FTCD: variants seen among roughly 807,000 people sequenced by gnomAD.
FTCD encodes the protein formimidoyltransferase cyclodeaminase.
In FTCD, 76 loss-of-function variants were observed where a neutral mutation model predicts 62.9. The observed-to-expected ratio is 1.21, with a 90% CI of 1.00 to 1.46. FTCD has a LOEUF of 1.46. FTCD is among the 40% of genes most tolerant of loss of function. The probability of loss-of-function intolerance (pLI) is 0.00; values close to 1 mark genes in which losing one functional copy is unlikely to be tolerated. For missense variants in FTCD, 845 were observed against 751.3 expected, an observed-to-expected ratio of 1.12 and a Z score of -1.46; for synonymous variants, 397 against 336.9, an observed-to-expected ratio of 1.18 and a Z score of -1.95.
chr21:46,147,323 A>G (rs1441751616), intron 7 of FTCD, among the ~76,000 whole-genome samples: 2 of 151,330 alleles, frequency 1.3e-5, no homozygotes, highest in African/African-American at 4.9e-5. Context: ...ATTCCTAATC[A>G]CAAGCCACCC....
chr21:46,146,315 G>T lies in FTCD; in HGVS notation c.919C>A (p.Leu307Met). The change falls in exon 8 of 14, where the codon CTG (leucine) becomes ATG (methionine). Residue 307 changes from leucine (L) to methionine (M), a missense_variant. Transcript: ENST00000397746. ...EQRIRLVVSR[L>M]GLDSLCPFSP... ...AAGGGGCACAGGGAGTCCAGGCCCAGCCGGCTCACCACCTGGAAAAGGGGC... is the reference window on the plus strand; with the variant it reads ...AAGGGGCACAGGGAGTCCAGGCCCATCCGGCTCACCACCTGGAAAAGGGGC... The T allele has an allele frequency of 6.2e-7, 1 of 1,602,498 alleles. No individual in the cohort carries two copies. Among genetic ancestry groups the T allele is most frequent in the Admixed American group, 1.7e-5 (1 of 59,170 alleles).
chr21:46,151,085 C>A (rs985848133), intron 5 of FTCD, among the ~76,000 whole-genome samples: 1 of 152,124 alleles, frequency 6.6e-6, no homozygotes, highest in Non-Finnish European at 1.5e-5. Flanking sequence ...GCAGGTGGTC[C>A]CCCCCGCTTT....
At position 46,151,870 on chromosome 21, in the gene FTCD, C is replaced by T. The variant is rs762342402; in HGVS notation, c.456+22G>A. 414 of 1,554,688 alleles carry T rather than the reference C, an allele frequency of 2.7e-4. 2 individuals are homozygous for T. Among genetic ancestry groups the T allele is most frequent in the Middle Eastern group, 1.0e-3 (5 of 4,832 alleles). On this transcript the variant is annotated intron_variant, in intron 4 of 13. Coordinates refer to ENST00000397746, the MANE Select transcript of FTCD (RefSeq NM_206965.2). ...GGCAGGTCCACCTCCTTCCCAGGCC[C>T]GACCGCCCGGGGTGGGGGCACCTTC...
At position 46,136,996 on chromosome 21, in the gene FTCD, C is replaced by T. The variant is rs745919627; in HGVS notation, c.1617G>A (p.Arg539=). Reference sequence around the variant, plus strand: ...GAGGCCTCCCGCACCGTCACTCCTGCCGGGTCTCCAAGCAGTCCAGCACCA... The same window carrying T: ...GAGGCCTCCCGCACCGTCACTCCTGTCGGGTCTCCAAGCAGTCCAGCACCA... ...AALVLDCLET[R]QE Residue 539 remains arginine, a synonymous_variant, in exon 14 of 14, where the codon CGG becomes CGA. Transcript: ENST00000397746. The T allele has an allele frequency of 1.2e-6, 2 of 1,613,356 alleles. No homozygotes were observed. Among genetic ancestry groups the T allele is most frequent in the East Asian group, 4.5e-5 (2 of 44,882 alleles).
intron 2 of FTCD, among the ~76,000 whole-genome samples, chr21:46,153,840 G>A (rs367959606): frequency 1.8e-4 from 28 of 152,226 alleles, no homozygotes; most frequent in Non-Finnish European, 3.1e-4. Context: ...CCCCCTTGAC[G>A]AGTGGGCAGG....
chr21:46,153,356 ACACT>A (rs2079349197), intron 2 of FTCD, among the ~76,000 whole-genome samples: 1 of 152,102 alleles, frequency 6.6e-6, no homozygotes, highest in African/African-American at 2.4e-5. Context: ...CCCTCTCCTA[ACACT>A]CACAAAAATA....
intron 10 of FTCD, chr21:46,142,864 A>C (rs1215005727): frequency 1.3e-5 from 2 of 152,236 alleles, no homozygotes; most frequent in African/African-American, 4.8e-5. Context: ...ACAAACCTTT[A>C]GCTAGACACA....
intron 5 of FTCD, among the ~76,000 whole-genome samples, chr21:46,150,794 G>A (rs1013072342): frequency 6.6e-6 from 1 of 152,256 alleles, no homozygotes; most frequent in African/African-American, 2.4e-5. Context: ...TTCCAGCCAC[G>A]CTGTGTCCTA....
intron 10 of FTCD, among the ~76,000 whole-genome samples, chr21:46,141,405 C>A (rs140613840): frequency 2.4e-3 from 364 of 151,958 alleles, no homozygotes; most frequent in Middle Eastern, 0.024. Flanking sequence ...CCTTGGTTTT[C>A]CAAAATGCTA....
At chr21:46,154,436 G>A (rs886574754) in intron 1 of FTCD, 104 bp from the exon 2 acceptor site, 36 of 1,372,770 alleles carry the variant, frequency 2.6e-5, no homozygotes, top group Middle Eastern at 2.4e-4. Context: ...GGCTGAGGAG[G>A]CGGGCCAAGC....
At position 46,136,996 on chromosome 21, in the gene FTCD, C is replaced by A; in HGVS notation, c.1617G>T (p.Arg539=). The A allele has an allele frequency of 6.2e-7, 1 of 1,613,356 alleles. No homozygotes were observed. The highest frequency in any genetic ancestry group is 2.2e-5 in the East Asian group (1 of 44,882). ...GAGGCCTCCCGCACCGTCACTCCTG[C>A]CGGGTCTCCAAGCAGTCCAGCACCA... is the stretch of plus-strand genomic sequence containing the variant. The part of the protein sequence containing the change: ...AALVLDCLET[R]QE Residue 539 remains arginine (R), a synonymous_variant, in exon 14 of 14, where the codon CGG becomes CGT. Coordinates refer to ENST00000397746, the MANE Select transcript of FTCD (RefSeq NM_206965.2).
Position 46,136,978 on chromosome 21 carries a change from C to T in FTCD, c.*9G>A. 2 of 1,613,132 alleles carry T rather than the reference C, an allele frequency of 1.2e-6. No homozygotes were observed. Among genetic ancestry groups the T allele is most frequent in the Non-Finnish European group, 1.7e-6 (2 of 1,179,992 alleles). ...GGGGCCACAGAGCCCGGAGAGGCCT[C>T]CCGCACCGTCACTCCTGCCGGGTCT... On this transcript the variant is annotated 3_prime_UTR_variant, in exon 14 of 14. Transcript: ENST00000397746.
chr21:46,141,124 T>C (rs1215194184), intron 10 of FTCD, among the ~76,000 whole-genome samples: 1 of 152,192 alleles, frequency 6.6e-6, no homozygotes, highest in Admixed American at 6.5e-5. Flanking sequence ...CATAAAATTG[T>C]TCCTATGTTT....
chr21:46,137,088 GA>G lies in FTCD; in HGVS notation c.1540-16del. 1 of 1,613,740 alleles carries G rather than the reference GA, an allele frequency of 6.2e-7. No individual in the cohort carries two copies. Among genetic ancestry groups the G allele is most frequent in the Middle Eastern group, 1.6e-4 (1 of 6,062 alleles). ...CGATGGTGGATCTGATGGACACAGG[GA>G]AAGAGGGGTCTGGTAGTTCCAGTCT... On this transcript the variant is annotated splice_polypyrimidine_tract_variant and intron_variant, in intron 13 of 13. Coordinates refer to ENST00000397746, the MANE Select transcript of FTCD (RefSeq NM_206965.2).
intron 7 of FTCD, 71 bp downstream of exon 7, chr21:46,150,048 T>C: frequency 7.1e-7 from 1 of 1,415,526 alleles, no homozygotes; most frequent in Non-Finnish European, 9.8e-7. Context: ...CCCAGGGCTG[T>C]GAGCTCCGCC....
In FTCD at chr21:46,136,919, G is replaced by T; in HGVS notation, c.*68C>A. The T allele has an allele frequency of 6.2e-7, 1 of 1,609,264 alleles. No individual in the cohort carries two copies. The highest frequency in any genetic ancestry group is 8.5e-7 in the Non-Finnish European group (1 of 1,178,532). The stretch of plus-strand genomic sequence containing the variant: ...ACGAACAAGCTGTGTCCCCACCGAG[G>T]TCACAGCTCTGCCCTCTGGGGATGG... On this transcript the variant is annotated 3_prime_UTR_variant, in exon 14 of 14. Coordinates refer to ENST00000397746, the MANE Select transcript of FTCD (RefSeq NM_206965.2).
rs1601361031 is a variant in FTCD at position 46,155,546 on chromosome 21, C to T, written c.-23G>A. ...CATGGCCAGCACCTTGATCCAGATG[C>T]TCCTCTCTGGGCAGATGGAAGGACA... is the stretch of plus-strand genomic sequence containing the variant. On this transcript the variant is annotated 5_prime_UTR_variant, in exon 1 of 14. Coordinates refer to ENST00000397746, the MANE Select transcript of FTCD (RefSeq NM_206965.2). 6.2e-7 allele frequency: 1 copy of T among 1,606,724 alleles called. No homozygotes were observed. Among genetic ancestry groups the T allele is most frequent in the South Asian group, 1.1e-5 (1 of 90,974 alleles).
chr21:46,151,849 G>A (rs755052644), intron 4 of FTCD, 43 bp downstream of exon 4: 49 of 1,557,388 alleles, frequency 3.1e-5, no homozygotes, highest in Non-Finnish European at 4.0e-5. Context: ...CAAAGGGGCA[G>A]GTCCACCTCC....
chr21:46,142,329 A>C (rs4818825), intron 10 of FTCD: 14,139 of 94,700 alleles, frequency 0.15, 1,157 homozygotes, highest in African/African-American at 0.23. Context: ...GTGAGGCCGC[A>C]GACCTTCACA....
Sources: gnomAD v4.1 joint callset for allele counts (sites outside exome capture counted in the v4.1 genomes callset) on GRCh38, gnomAD v4.1.1 for gene constraint, MANE v1.5 for transcripts, NCBI Gene and HGNC (gene_info 2026-07-23, HGNC 2026-07-21) for gene names.